The following SHOC2 variants were observed in gnomAD, a reference collection of about 807,000 sequenced individuals.
SHOC2 encodes SHOC2 leucine rich repeat scaffold protein, also known as leucine-rich repeat protein SHOC-2.
A neutral mutation model predicts 50.2 loss-of-function variants in SHOC2; 4 were observed. That is an observed-to-expected ratio of 0.08 (90% CI 0.04 to 0.18). The LOEUF is 0.18. SHOC2 is among the 10% of genes least tolerant of loss of function. The pLI, the probability that SHOC2 is intolerant of heterozygous loss-of-function variation, is 1.00. For synonymous variants in SHOC2, 218 were observed against 244.5 expected (o/e 0.89, Z 1.01); for missense variants, 388 against 669.6 (o/e 0.58, Z 4.64).
intron 1 of SHOC2, among the ~76,000 whole-genome samples, chr10:110,956,798 C>A (rs532456391): frequency 1.0e-3 from 151 of 151,670 alleles, no homozygotes; most frequent in African/African-American, 3.4e-3. Context: ...AATGATTGGG[C>A]CCTAGGAAAA....
intron 1 of SHOC2, among the ~76,000 whole-genome samples, chr10:110,950,283 T>C (rs1171295073): frequency 6.6e-6 from 1 of 151,936 alleles, no homozygotes; most frequent in Non-Finnish European, 1.5e-5. Flanking sequence ...CAATCCCCTG[T>C]ACAGTAGCAT....
intron 1 of SHOC2, among the ~76,000 whole-genome samples, chr10:110,947,582 G>A (rs1420951448): frequency 6.6e-6 from 1 of 152,212 alleles, no homozygotes; most frequent in Non-Finnish European, 1.5e-5. Flanking sequence ...AAAGATATAA[G>A]TTGTGTCCTC....
chr10:110,952,057 C>G (rs1847364049), intron 1 of SHOC2, among the ~76,000 whole-genome samples: 1 of 152,118 alleles, frequency 6.6e-6, no homozygotes, highest in Non-Finnish European at 1.5e-5. Context: ...TTGTTACAGA[C>G]AATGAAACTA....
rs730881022 is a variant in SHOC2 at position 111,009,251 on chromosome 10, C to T, written c.1288C>T (p.Leu430Phe). The T allele has an allele frequency of 3.9e-6, 6 of 1,554,442 alleles. No individual in the cohort carries two copies. In the African/African-American group the frequency reaches 4.1e-5, roughly 11 times the overall value. ...ATTATCAATAATTTCTCATTAGGTT[C>T]TTATCTTATCAAACAATCTTCTAAA... ...DVSGLVSLEV[L>F]ILSNNLLKKL... The change falls in exon 7 of 9, where the codon CTT (leucine) becomes TTT (phenylalanine). Residue 430 changes from leucine (L) to phenylalanine (F), a missense_variant. Coordinates refer to ENST00000369452, the MANE Select transcript of SHOC2 (RefSeq NM_007373.4).
chr10:111,000,336 G>T, intron 3 of SHOC2, 79 bp from the exon 4 acceptor site: 1 of 1,405,406 alleles, frequency 7.1e-7, no homozygotes. Flanking sequence ...TTTGTAAATA[G>T]TTAGTAGATA....
intron 1 of SHOC2, 88 bp downstream of exon 1, chr10:110,919,745 C>G: frequency 2.5e-6 from 1 of 395,874 alleles, no homozygotes; most frequent in Non-Finnish European, 4.5e-6. Context: ...GGCTGGCTGT[C>G]GGTAGGGGGA....
chr10:111,011,813 G>T lies in SHOC2; in HGVS notation c.1744G>T (p.Val582Phe). Residue 582 changes from valine (V) to phenylalanine (F), a missense_variant, in exon 9 of 9, where the codon GTC becomes TTC. This residue lies in a region of SHOC2 where 130 missense variants were observed against 208.6 expected (regional missense o/e 0.62). Coordinates refer to ENST00000369452, the MANE Select transcript of SHOC2 (RefSeq NM_007373.4). ...LKMQGPYRAMV is the reference protein window; with the variant it reads ...LKMQGPYRAMF ...GATGCAGGGTCCATATCGTGCCATGGTCTGATATAAATCTGCTGGTCCCAC... is the reference window on the plus strand; with the variant it reads ...GATGCAGGGTCCATATCGTGCCATGTTCTGATATAAATCTGCTGGTCCCAC... The T allele has an allele frequency of 6.2e-7, 1 of 1,612,756 alleles. No homozygotes were observed. The highest frequency in any genetic ancestry group is 8.5e-7 in the Non-Finnish European group (1 of 1,178,868).
chr10:110,941,122 A>G (rs7915073), intron 1 of SHOC2, among the ~76,000 whole-genome samples: 78,172 of 150,904 alleles, frequency 0.52, 24,071 homozygotes, highest in Non-Finnish European at 0.69. Context: ...TGGTATTTAC[A>G]TTATTTCTCT....
chr10:110,980,346 C>T (rs1287671590), intron 2 of SHOC2, among the ~76,000 whole-genome samples: 8 of 151,908 alleles, frequency 5.3e-5, no homozygotes, highest in African/African-American at 1.7e-4. Flanking sequence ...TTAGTAGAGA[C>T]GGGGTTTCAC....
intron 1 of SHOC2, among the ~76,000 whole-genome samples, chr10:110,920,493 A>C (rs1397139050): frequency 6.6e-6 from 1 of 152,198 alleles, no homozygotes; most frequent in Non-Finnish European, 1.5e-5. Flanking sequence ...TAATGACTCC[A>C]AAGCATTAAC....
chr10:110,948,828 A>G (rs1332979799), intron 1 of SHOC2, among the ~76,000 whole-genome samples: 1 of 152,234 alleles, frequency 6.6e-6, no homozygotes, highest in East Asian at 1.9e-4. Flanking sequence ...AGGACTAGAA[A>G]AAGCTTGTCC....
chr10:110,919,545 GT>G (rs1846558499), upstream of SHOC2: 1 of 386,264 alleles, frequency 2.6e-6, no homozygotes, highest in Admixed American at 4.6e-5. Flanking sequence ...GGCGGGGCGA[GT>G]GGGGGAGGGG....
chr10:110,966,842 G>T (rs1432391495), intron 2 of SHOC2, among the ~76,000 whole-genome samples: 1 of 152,048 alleles, frequency 6.6e-6, no homozygotes, highest in Non-Finnish European at 1.5e-5. Context: ...TTTTGTAATT[G>T]CTGTACTTCT....
chr10:110,992,106 T>G (rs1848195692), intron 3 of SHOC2, among the ~76,000 whole-genome samples: 1 of 152,200 alleles, frequency 6.6e-6, no homozygotes, highest in Non-Finnish European at 1.5e-5. Flanking sequence ...CAGAATGTTT[T>G]TTACTTTTTT....
intron 6 of SHOC2, among the ~76,000 whole-genome samples, chr10:111,007,977 A>G (rs950846935): frequency 6.6e-6 from 1 of 151,632 alleles, no homozygotes; most frequent in Non-Finnish European, 1.5e-5. Context: ...ACCATTGTCT[A>G]CCAAAATAAT....
intron 2 of SHOC2, among the ~76,000 whole-genome samples, chr10:110,978,198 CAT>C (rs1365326866): frequency 3.3e-5 from 5 of 152,210 alleles, no homozygotes; most frequent in African/African-American, 1.2e-4. Flanking sequence ...GGAATACAGT[CAT>C]ATATGGCTGT....
intron 1 of SHOC2, among the ~76,000 whole-genome samples, chr10:110,956,440 C>T (rs1036239138): frequency 6.6e-6 from 1 of 152,192 alleles, no homozygotes; most frequent in African/African-American, 2.4e-5. Flanking sequence ...TGGTCTCAAA[C>T]TCCTGACTAC....
chr10:110,951,044 C>T (rs936532020), intron 1 of SHOC2, among the ~76,000 whole-genome samples: 1 of 152,168 alleles, frequency 6.6e-6, no homozygotes, highest in African/African-American at 2.4e-5. Flanking sequence ...AATGGTATTG[C>T]ATCAACTGAA....
At chr10:110,975,365 A>G (rs755867690) in intron 2 of SHOC2, among the ~76,000 whole-genome samples, 1 of 151,908 alleles carries the variant, frequency 6.6e-6, no homozygotes, top group Non-Finnish European at 1.5e-5. Flanking sequence ...CCGTGTCTCG[A>G]TCTCCTGACC....
Sources: allele counts gnomAD v4.1 joint callset (sites outside exome capture counted in the v4.1 genomes callset), GRCh38; gene constraint gnomAD v4.1.1; regional missense constraint gnomAD v4.1.1; transcripts MANE v1.5; gene names NCBI Gene and HGNC (gene_info 2026-07-23, HGNC 2026-07-21).